Variants in CD8B observed in about 807,000 individuals in gnomAD.
CD8B encodes the protein T-cell surface glycoprotein CD8 beta chain.
In CD8B, 6 loss-of-function variants were observed where a neutral mutation model predicts 24.2. The ratio of observed to expected loss-of-function variants is 0.25; its 90% CI spans 0.14 to 0.49. The LOEUF (loss-of-function observed/expected upper bound fraction) is 0.49. Among genes scored for constraint, CD8B ranks in the 20% least tolerant of loss-of-function variants. CD8B has a pLI of 0.98. For missense variants in CD8B, 196 were observed against 271.3 expected (o/e 0.72, Z 1.95); for synonymous variants, 84 against 108.3 (o/e 0.78, Z 1.39).
intron 5 of CD8B, among the ~76,000 whole-genome samples, chr2:86,830,208 C>T (rs563225594): frequency 4.0e-4 from 61 of 152,234 alleles, no homozygotes; most frequent in African/African-American, 1.4e-3. Context: ...GGATTACAGG[C>T]ATGAGCCACA....
At chr2:86,819,401 T>C (rs114960019) in intron 5 of CD8B, among the ~76,000 whole-genome samples, 4,680 of 152,332 alleles carry the variant, frequency 0.031, 102 homozygotes, top group Middle Eastern at 0.054. Context: ...CTGCCTCTCT[T>C]GTTAGGGGCT....
At chr2:86,861,504 C>T (rs1676588982) in intron 1 of CD8B, among the ~76,000 whole-genome samples, 2 of 152,332 alleles carry the variant, frequency 1.3e-5, no homozygotes, top group South Asian at 4.1e-4. Context: ...GTTTCCTTCC[C>T]CTGGTGACCT....
intron 5 of CD8B, among the ~76,000 whole-genome samples, chr2:86,825,668 T>C (rs1013344945): frequency 6.6e-6 from 1 of 152,066 alleles, no homozygotes; most frequent in African/African-American, 2.4e-5. Flanking sequence ...ACTAGACACC[T>C]CTCCGAAGAA....
At chr2:86,820,354 G>A (rs1674413717) in intron 5 of CD8B, among the ~76,000 whole-genome samples, 1 of 152,212 alleles carries the variant, frequency 6.6e-6, no homozygotes, top group Non-Finnish European at 1.5e-5. Flanking sequence ...AAGATTTGTT[G>A]TTGTCCTATT....
At chr2:86,830,369 C>T (rs994874056) in intron 5 of CD8B, among the ~76,000 whole-genome samples, 2 of 152,180 alleles carry the variant, frequency 1.3e-5, no homozygotes, top group Non-Finnish European at 2.9e-5. Flanking sequence ...CAGTTCGAGA[C>T]CAGCCTAGCC....
rs1675366927 is a variant in CD8B, at chr2:86,840,449, T to G, written c.*1858A>C. On this transcript the variant is annotated 3_prime_UTR_variant, in exon 6 of 6. Transcript: ENST00000390655. The stretch of plus-strand genomic sequence containing the variant: ...TCTCAGATGGAAAGGGAGACGGCCC[T>G]GGATTGACCACAGACCAAGCACGGG... Among the ~76,000 whole-genome samples the G allele has an allele frequency of 6.6e-6, 1 of 152,202 alleles. No homozygotes were observed. The highest frequency in any genetic ancestry group is 1.5e-5 in the Non-Finnish European group (1 of 68,026).
chr2:86,844,115 ATGAAAGACCCAGGACCTAATGTCAC>A (rs962174885), intron 5 of CD8B, among the ~76,000 whole-genome samples: 28 of 152,216 alleles, frequency 1.8e-4, no homozygotes, highest in Non-Finnish European at 3.4e-4. Context: ...CAACAGCCTC[ATGAAAGACCCAGGACCTAATGTCAC>A]TGCCCTACCA....
chr2:86,852,914 C>A, intron 3 of CD8B, 83 bp downstream of exon 3: 4 of 1,385,016 alleles, frequency 2.9e-6, no homozygotes, highest in Non-Finnish European at 3.9e-6. Flanking sequence ...TTGGAAAGTG[C>A]CTGGGGAAGG....
rs923658012 is a variant in CD8B at position 86,841,432 on chromosome 2, C to G, written c.*875G>C. On this transcript the variant is annotated 3_prime_UTR_variant, in exon 6 of 6. Transcript: ENST00000390655. ...GTGCCCTGGGCGCTTCCTAGCCTCT[C>G]TAGGACTCTCCACACCTACAACGTC... The G allele has an allele frequency of 5.7e-6, 2 of 351,308 alleles. No homozygotes were observed. The highest frequency in any genetic ancestry group is 8.0e-6 in the Non-Finnish European group (2 of 250,816). 21.8% of individuals were successfully genotyped at this position (351,308 alleles called of 1,614,324 possible).
At chr2:86,825,730 C>T (rs1250439769) in intron 5 of CD8B, among the ~76,000 whole-genome samples, 3 of 152,168 alleles carry the variant, frequency 2.0e-5, no homozygotes, top group African/African-American at 7.2e-5. Context: ...AGTGTTGGGA[C>T]CCGTTCTTCG....
At chr2:86,847,945 C>T (rs779238729) in intron 3 of CD8B, among the ~76,000 whole-genome samples, 5 of 151,996 alleles carry the variant, frequency 3.3e-5, no homozygotes, top group South Asian at 2.1e-4. Flanking sequence ...ATTTTTTCAA[C>T]GTGCCTTTTT....
At chr2:86,854,203 T>C (rs1448461236) in intron 2 of CD8B, among the ~76,000 whole-genome samples, 3 of 152,098 alleles carry the variant, frequency 2.0e-5, no homozygotes, top group African/African-American at 7.2e-5. Flanking sequence ...TCAGTAGATG[T>C]GGCTCCACCT....
At chr2:86,852,110 A>G (rs1676005115) in intron 3 of CD8B, among the ~76,000 whole-genome samples, 2 of 152,266 alleles carry the variant, frequency 1.3e-5, no homozygotes, top group South Asian at 4.1e-4. Context: ...GACTACAGGC[A>G]TGTGCCACCA....
At chr2:86,853,786 AC>A (rs1463626566) in intron 2 of CD8B, among the ~76,000 whole-genome samples, 2 of 152,114 alleles carry the variant, frequency 1.3e-5, no homozygotes, top group African/African-American at 2.4e-5. Flanking sequence ...GCTCACTGCA[AC>A]CTTTGCCTCC....
At position 86,840,771 on chromosome 2, in the gene CD8B, C is replaced by T. The variant is rs575036235; in HGVS notation, c.*1536G>A. ...GACCTGGACAACTTACACTCAAGGC[C>T]CTCCTTCCGGTAACACTGCATCTAT... On this transcript the variant is annotated 3_prime_UTR_variant, in exon 6 of 6. Coordinates refer to ENST00000390655, the MANE Select transcript of CD8B (RefSeq NM_004931.5). 9.3e-4 allele frequency among the ~76,000 whole-genome samples: 141 copies of T among 152,220 alleles called. No individual in the cohort carries two copies. Among genetic ancestry groups the T allele is most frequent in the African/African-American group, 3.2e-3 (133 of 41,534 alleles).
chr2:86,828,101 G>A lies in CD8B; in HGVS notation c.621-12383C>T, dbSNP rs114590890. 3.5e-3 allele frequency among the ~76,000 whole-genome samples: 533 copies of A among 152,296 alleles called. 2 individuals are homozygous for A. Among genetic ancestry groups the A allele is most frequent in the Non-Finnish European group, 5.9e-3 (398 of 68,032 alleles). ...CCTGCTTATAAAATGGCAAGAGTACGTACTTGCATAAGCGGTTAATTGACA... is the reference window on the plus strand; with the variant it reads ...CCTGCTTATAAAATGGCAAGAGTACATACTTGCATAAGCGGTTAATTGACA... On this transcript the variant is annotated intron_variant, in intron 5 of 5. Coordinates refer to the CD8B transcript ENST00000331469.
chr2:86,857,876 T>C (rs562294926), intron 2 of CD8B, among the ~76,000 whole-genome samples, 181 bp downstream of exon 2: 1 of 152,344 alleles, frequency 6.6e-6, no homozygotes, highest in South Asian at 2.1e-4. Flanking sequence ...AAGCTAACTA[T>C]GTAAACACTT....
intron 5 of CD8B, among the ~76,000 whole-genome samples, chr2:86,826,389 C>T (rs922764596): frequency 6.6e-6 from 1 of 152,120 alleles, no homozygotes; most frequent in Admixed American, 6.5e-5. Context: ...TGCTGAGAAT[C>T]TGTGACATGT....
Position 86,858,339 on chromosome 2 carries a change from A to T in CD8B, c.121T>A (p.Cys41Ser), listed in dbSNP as rs1190328641. The change falls in exon 2 of 6, where the codon TGC becomes AGC. Residue 41 changes from cysteine to serine, a missense_variant. Coordinates refer to ENST00000390655, the MANE Select transcript of CD8B (RefSeq NM_004931.5). ...TTACTGAGGGAGATTTTAGCCTCGC[A>T]GGACAGCATCACCATCTTGTTGGTT... ...VQTNKMVMLS[C>S]EAKISLSNMR... is the part of the protein sequence containing the mutation. 6.2e-7 allele frequency: 1 copy of T among 1,613,918 alleles called. No individual in the cohort carries two copies.
Sources: allele counts gnomAD v4.1 joint callset (sites outside exome capture counted in the v4.1 genomes callset), GRCh38; gene constraint gnomAD v4.1.1; transcripts MANE v1.5; gene names NCBI Gene and HGNC (gene_info 2026-07-23, HGNC 2026-07-21).